C2CD5: variants seen among roughly 807,000 people sequenced by gnomAD.
C2CD5 encodes the protein C2 calcium dependent domain containing 5, also known as C2 domain-containing protein 5.
Under a neutral mutation model 130.3 loss-of-function variants are expected in C2CD5, and 109 were observed. The observed-to-expected ratio is 0.84, with a 90% CI of 0.72 to 0.98. C2CD5 has a LOEUF of 0.98. Among genes scored for constraint, C2CD5 ranks in the 50% least tolerant of loss-of-function variants. C2CD5 has a pLI of 0.00. For missense variants in C2CD5, 996 were observed against 1,261.8 expected (o/e 0.79, Z 3.19); for synonymous variants, 454 against 429.2 (o/e 1.06, Z -0.71).
chr12:22,536,250 A>G (rs950514918), intron 2 of C2CD5, among the ~76,000 whole-genome samples: 1 of 152,166 alleles, frequency 6.6e-6, no homozygotes, highest in Non-Finnish European at 1.5e-5. Flanking sequence ...TACAAACAGC[A>G]GAAGAGGTTG....
At chr12:22,481,957 G>T (rs10466795) in intron 14 of C2CD5, among the ~76,000 whole-genome samples, 27,295 of 151,810 alleles carry the variant, frequency 0.18, 5,128 homozygotes, top group African/African-American at 0.48. Flanking sequence ...TTATTACACA[G>T]TCTACCACTG....
rs903325247 is a variant in C2CD5, at chr12:22,471,358, C to G, written c.2358+41G>C. On this transcript the variant is annotated intron_variant, in intron 20 of 26. Transcript: ENST00000446597. Reference sequence around the variant, plus strand: ...TAAACAGATAATGAAAATAATAAAACAGATCAGATAAAGACTAATAATGGA... The same window carrying G: ...TAAACAGATAATGAAAATAATAAAAGAGATCAGATAAAGACTAATAATGGA... The G allele has an allele frequency of 1.1e-5, 12 of 1,045,972 alleles. 1 individual carries two copies. The South Asian group carries it at 1.2e-4, about 11-fold the overall frequency. 64.8% of individuals were successfully genotyped at this position (1,045,972 alleles called of 1,614,324 possible). A position where few individuals can be genotyped will look rare whatever the true frequency, so the allele number is the denominator to read the frequency against.
chr12:22,512,277 T>C (rs1053206834), intron 9 of C2CD5, among the ~76,000 whole-genome samples: 4 of 152,214 alleles, frequency 2.6e-5, no homozygotes, highest in African/African-American at 2.4e-5. Flanking sequence ...AGAAATACTT[T>C]AGTTTTATGA....
chr12:22,478,150 C>G (rs1014666454), intron 15 of C2CD5, 163 bp downstream of exon 15: 2 of 622,582 alleles, frequency 3.2e-6, no homozygotes, highest in East Asian at 2.8e-5. Flanking sequence ...TAGGCTTACC[C>G]GAAAAGGAGA....
At chr12:22,471,530 A>T (rs1349921150) in intron 19 of C2CD5, 42 bp from the exon 20 acceptor site, 2 of 1,165,762 alleles carry the variant, frequency 1.7e-6, no homozygotes, top group African/African-American at 3.1e-5. Flanking sequence ...TTTTTATTTA[A>T]AAATTTTTAA....
chr12:22,459,546 A>AT lies in C2CD5; in HGVS notation c.2534-5dup, dbSNP rs1940680953. On this transcript the variant is annotated splice_polypyrimidine_tract_variant and splice_region_variant and intron_variant, in intron 22 of 26. Transcript: ENST00000446597. The stretch of plus-strand genomic sequence containing the variant: ...GAACTTGCACTCTCCAGGTGTTCTA[A>AT]TAAGACAATATGAACAACATTAGCT... 1 of 1,519,738 alleles carries AT rather than the reference A, an allele frequency of 6.6e-7. No homozygotes were observed. Among genetic ancestry groups the AT allele is most frequent in the African/African-American group, 1.4e-5 (1 of 72,692 alleles). The allele number at this position is 1,519,738 out of a possible 1,614,324, so 94.1% of individuals were successfully genotyped here. A position where few individuals can be genotyped will look rare whatever the true frequency, so the allele number is the denominator to read the frequency against.
intron 22 of C2CD5, among the ~76,000 whole-genome samples, chr12:22,467,466 T>G (rs1942276026): frequency 6.6e-6 from 1 of 152,164 alleles, no homozygotes; most frequent in South Asian, 2.1e-4. Flanking sequence ...ATACAGACGC[T>G]CAGTGTGACC....
chr12:22,472,062 A>G lies in C2CD5; in HGVS notation c.2173T>C (p.Phe725Leu). The G allele has an allele frequency of 6.5e-7, 1 of 1,534,796 alleles. No individual in the cohort carries two copies. The highest frequency in any genetic ancestry group is 1.2e-5 in the South Asian group (1 of 86,610). The change falls in exon 19 of 27, where the codon TTC (phenylalanine) becomes CTC (leucine). Residue 725 changes from phenylalanine to leucine, a missense_variant. By Grantham distance (22) the Phe-to-Leu change is conservative. Around this residue, in one of 9 missense-constraint regions of C2CD5, gnomAD observed 590 missense variants for 631.4 expected, o/e 0.93. Coordinates refer to ENST00000446597, the MANE Select transcript of C2CD5 (RefSeq NM_001286176.2). ...AATCTGATTACTCTTACTGAAGTGA[A>G]CATCTAAATGTGGGGTGACATAACA... Reference protein sequence around the residue: ...INNWTSEIQMFTSVRVIRLSS... With the variant: ...INNWTSEIQMLTSVRVIRLSS...
At position 22,478,208 on chromosome 12, in the gene C2CD5, G is replaced by A. The variant is rs548595494; in HGVS notation, c.1902+105C>T. ...GAGGTGAAAGAATGAGTAATAAGGA[G>A]AGCTAAACAGTGAAAAAAAAATCTT... On this transcript the variant is annotated intron_variant, in intron 15 of 26. Transcript: ENST00000446597. 3 of 838,562 alleles carry A rather than the reference G, an allele frequency of 3.6e-6. No homozygotes were observed. In the African/African-American group the frequency reaches 5.0e-5, roughly 14 times the overall value. 51.9% of individuals were successfully genotyped at this position (838,562 alleles called of 1,614,324 possible).
rs189701075 is a variant in C2CD5, at chr12:22,543,359, A to G, written c.90+702T>C. ...AATTTTGCAATTTAAGTCCATGGCA[A>G]TTAAATGACTTCCTACCTCAAGGCG... On this transcript the variant is annotated intron_variant, in intron 2 of 26. Transcript: ENST00000446597. 2.6e-5 allele frequency among the ~76,000 whole-genome samples: 4 copies of G among 152,372 alleles called. No individual in the cohort carries two copies. The East Asian group carries it at 7.7e-4, about 29-fold the overall frequency.
At chr12:22,516,153 A>C (rs1191096214) in intron 8 of C2CD5, among the ~76,000 whole-genome samples, 1 of 151,836 alleles carries the variant, frequency 6.6e-6, no homozygotes, top group East Asian at 1.9e-4. Flanking sequence ...ATTATTTCTC[A>C]AGACACTGAT....
chr12:22,489,867 C>T (rs6487305), intron 12 of C2CD5, among the ~76,000 whole-genome samples: 22,950 of 151,880 alleles, frequency 0.15, 3,358 homozygotes, highest in African/African-American at 0.38. Flanking sequence ...AAATGGACAC[C>T]TGAAATTCTT....
chr12:22,459,409 T>G, intron 23 of C2CD5, 83 bp downstream of exon 23: 1 of 879,922 alleles, frequency 1.1e-6, no homozygotes, highest in South Asian at 1.5e-5. Context: ...CCAGTGCATT[T>G]TCTTCAATGT....
chr12:22,496,297 T>TTG (rs1310377659), intron 10 of C2CD5, among the ~76,000 whole-genome samples: 1 of 152,090 alleles, frequency 6.6e-6, no homozygotes, highest in Non-Finnish European at 1.5e-5. Context: ...TAAAAACTGA[T>TTG]AACTACAGTC....
intron 2 of C2CD5, among the ~76,000 whole-genome samples, chr12:22,541,009 G>C (rs951449099): frequency 1.3e-5 from 2 of 152,048 alleles, no homozygotes; most frequent in Non-Finnish European, 2.9e-5. Flanking sequence ...CTATCTAAAG[G>C]GAGTCCTGGG....
intron 12 of C2CD5, among the ~76,000 whole-genome samples, chr12:22,486,395 G>A (rs952020341): frequency 1.3e-5 from 2 of 152,044 alleles, no homozygotes; most frequent in Non-Finnish European, 2.9e-5. Flanking sequence ...CCCCATATCA[G>A]TGCCAGAGCA....
Position 22,449,603 on chromosome 12 carries a change from A to G in C2CD5, c.*157T>C, listed in dbSNP as rs73261839. On this transcript the variant is annotated 3_prime_UTR_variant, in exon 27 of 27. Coordinates refer to ENST00000446597, the MANE Select transcript of C2CD5 (RefSeq NM_001286176.2). ...AGGCAAACAAAATGTCAAGATTAGA[A>G]AATTCTCATGCCTCCAAAAGACTCC... 8,994 of 623,046 alleles carry G rather than the reference A, an allele frequency of 0.014. 641 individuals carry two copies. In the African/African-American group the frequency reaches 0.15, roughly 10 times the overall value. The allele number at this position is 623,046 out of a possible 1,614,324, so 38.6% of individuals were successfully genotyped here.
chr12:22,476,292 A>C (rs1943826173), intron 15 of C2CD5, among the ~76,000 whole-genome samples: 3 of 152,098 alleles, frequency 2.0e-5, no homozygotes, highest in African/African-American at 7.2e-5. Flanking sequence ...ACAACACTGT[A>C]ATGTGTATAG....
intron 15 of C2CD5, among the ~76,000 whole-genome samples, chr12:22,477,680 C>T (rs960149394): frequency 2.6e-5 from 4 of 151,824 alleles, no homozygotes; most frequent in African/African-American, 9.7e-5. Context: ...ATTTTTCTTT[C>T]AATTCAGACT....
Sources: allele counts gnomAD v4.1 joint callset (sites outside exome capture counted in the v4.1 genomes callset), GRCh38; gene constraint gnomAD v4.1.1; regional missense constraint gnomAD v4.1.1; transcripts MANE v1.5; gene names NCBI Gene and HGNC (gene_info 2026-07-23, HGNC 2026-07-21).